The following TCP11L2 variants were observed in gnomAD, a reference collection of about 807,000 sequenced individuals.
TCP11L2 encodes the protein T-complex protein 11-like protein 2.
Under a neutral mutation model 50.7 loss-of-function variants are expected in TCP11L2, and 39 were observed. The observed-to-expected ratio is 0.77, with a 90% CI of 0.60 to 1.01. TCP11L2 has a LOEUF of 1.01. TCP11L2 is among the 50% of genes least tolerant of loss of function. The pLI is 0.00. For synonymous variants in TCP11L2, 192 were observed against 219.3 expected (o/e 0.88, Z 1.10); for missense variants, 612 against 614.7 (o/e 1.00, Z 0.05).
At chr12:106,301,365 T>C (rs1182771372), upstream of TCP11L2, among the ~76,000 whole-genome samples, 1 of 152,252 alleles carries the variant, frequency 6.6e-6, no homozygotes, top group Non-Finnish European at 1.5e-5. Flanking sequence ...GAGTGCTTAC[T>C]GTGCACCCTG....
At chr12:106,304,479 A>G (rs571686437) in intron 1 of TCP11L2, among the ~76,000 whole-genome samples, 18 of 152,370 alleles carry the variant, frequency 1.2e-4, no homozygotes, top group African/African-American at 3.6e-4. Context: ...CTGTGGATGA[A>G]TAACTTTAGT....
intron 8 of TCP11L2, among the ~76,000 whole-genome samples, chr12:106,338,829 A>G (rs1440588786): frequency 6.6e-6 from 1 of 152,118 alleles, no homozygotes; most frequent in African/African-American, 2.4e-5. Flanking sequence ...AGAATCTGTT[A>G]TTTTCTGACT....
At chr12:106,309,941 T>C (rs1443268061) in intron 1 of TCP11L2, among the ~76,000 whole-genome samples, 1 of 152,160 alleles carries the variant, frequency 6.6e-6, no homozygotes, top group Admixed American at 6.5e-5. Flanking sequence ...GGTTTAGGTT[T>C]AAAAGGATTC....
At position 106,314,535 on chromosome 12, in the gene TCP11L2, C is replaced by CTGTGTGTGTGTGTG. The variant is rs55918458; in HGVS notation, c.293+71_293+84dup. The CTGTGTGTGTGTGTG allele has an allele frequency of 7.1e-6, 5 of 707,454 alleles. No individual in the cohort carries two copies. In the East Asian group the frequency reaches 1.8e-4, roughly 26 times the overall value. 43.8% of individuals were successfully genotyped at this position (707,454 alleles called of 1,614,324 possible). Reference sequence around the variant, plus strand: ...TGTTGTATATAAACTGCTGAAGATTCTGTGTGTGTGTGTGTGTGTGTGTGT... The same window carrying CTGTGTGTGTGTGTG: ...TGTTGTATATAAACTGCTGAAGATTCTGTGTGTGTGTGTGTGTGTGTGTGTGTGTGTGTGTGTGT... On this transcript the variant is annotated intron_variant, in intron 3 of 9. Transcript: ENST00000299045.
chr12:106,340,112 G>T (rs988192352), intron 8 of TCP11L2, among the ~76,000 whole-genome samples: 3 of 152,078 alleles, frequency 2.0e-5, no homozygotes, highest in Non-Finnish European at 4.4e-5. Flanking sequence ...TTCCCATTTT[G>T]CAGAGTTATC....
chr12:106,344,847 T>A (rs1480063400), intron 9 of TCP11L2, among the ~76,000 whole-genome samples: 1 of 152,224 alleles, frequency 6.6e-6, no homozygotes, highest in Non-Finnish European at 1.5e-5. Context: ...TATGCATTTC[T>A]ATGCTTTTGT....
At chr12:106,343,039 T>TG (rs2036134264) in intron 9 of TCP11L2, among the ~76,000 whole-genome samples, 1 of 152,234 alleles carries the variant, frequency 6.6e-6, no homozygotes, top group Non-Finnish European at 1.5e-5. Flanking sequence ...TCATTCAAAG[T>TG]ACTGTTGCCC....
At chr12:106,340,057 C>G (rs968836125) in intron 8 of TCP11L2, among the ~76,000 whole-genome samples, 3 of 152,238 alleles carry the variant, frequency 2.0e-5, no homozygotes, top group African/African-American at 7.2e-5. Flanking sequence ...CCAACTCGCT[C>G]CGTTATACTG....
At chr12:106,309,871 A>C (rs904526440) in intron 1 of TCP11L2, among the ~76,000 whole-genome samples, 1 of 152,034 alleles carries the variant, frequency 6.6e-6, no homozygotes, top group African/African-American at 2.4e-5. Context: ...CATACTATAC[A>C]TAGTTGTGGT....
intron 1 of TCP11L2, among the ~76,000 whole-genome samples, chr12:106,309,962 TC>T (rs1275379513): frequency 1.3e-5 from 2 of 152,134 alleles, no homozygotes; most frequent in Middle Eastern, 3.2e-3. Flanking sequence ...AGTGAACTCT[TC>T]CTCTCATTAT....
intron 1 of TCP11L2, among the ~76,000 whole-genome samples, chr12:106,307,855 A>G (rs2034693772): frequency 6.6e-6 from 1 of 152,258 alleles, no homozygotes; most frequent in African/African-American, 2.4e-5. Flanking sequence ...AAACATTTGT[A>G]TACTGTTTAC....
chr12:106,314,381 A>G lies in TCP11L2; in HGVS notation c.181A>G (p.Thr61Ala), dbSNP rs1370791949. The change falls in exon 3 of 10, where the codon ACA becomes GCA. Residue 61 changes from threonine (T) to alanine (A), a missense_variant. Physicochemically the swap from Thr to Ala is moderately conservative, Grantham distance 58 (BLOSUM62 0). Transcript: ENST00000299045. ...AGCAACAAGCCCTCCAAGGGTTGTA[A>G]CATTTGATGAAGTGATGGCTACAGC... ...PASTSPPRVV[T>A]FDEVMATARN... The G allele has an allele frequency of 1.2e-6, 2 of 1,612,216 alleles. No homozygotes were observed. Among genetic ancestry groups the G allele is most frequent in the African/African-American group, 1.3e-5 (1 of 75,044 alleles).
chr12:106,341,294 A>G (rs2036087862), intron 9 of TCP11L2, among the ~76,000 whole-genome samples: 1 of 152,238 alleles, frequency 6.6e-6, no homozygotes, highest in Non-Finnish European at 1.5e-5. Context: ...GCAGTAATTC[A>G]AACCAGCTGG....
At chr12:106,330,443 A>G in intron 6 of TCP11L2, 1 of 320,648 alleles carries the variant, frequency 3.1e-6, no homozygotes, top group Non-Finnish European at 4.5e-6. Context: ...GCAGGGCGGG[A>G]GGCTGAGGAA....
At chr12:106,344,536 A>G (rs1433711671) in intron 9 of TCP11L2, among the ~76,000 whole-genome samples, 2 of 152,208 alleles carry the variant, frequency 1.3e-5, no homozygotes, top group Non-Finnish European at 2.9e-5. Context: ...ATGAAATGAG[A>G]TGAGATTGAA....
intron 4 of TCP11L2, among the ~76,000 whole-genome samples, chr12:106,320,988 G>T (rs1262870176): frequency 1.3e-5 from 2 of 152,032 alleles, no homozygotes; most frequent in Admixed American, 1.3e-4. Context: ...AATTTTTCTT[G>T]TATGTATAGC....
At chr12:106,309,811 A>C (rs2034778082) in intron 1 of TCP11L2, among the ~76,000 whole-genome samples, 1 of 151,900 alleles carries the variant, frequency 6.6e-6, no homozygotes, top group African/African-American at 2.4e-5. Flanking sequence ...TCAAGTAGGC[A>C]CTTGTTGAAT....
intron 9 of TCP11L2, among the ~76,000 whole-genome samples, chr12:106,343,893 G>A (rs942454194): frequency 4.0e-5 from 6 of 151,620 alleles, no homozygotes; most frequent in East Asian, 2.0e-4. Flanking sequence ...TCCTGACCTC[G>A]TGATCCGCCC....
chr12:106,315,435 T>C (rs538393249), intron 3 of TCP11L2, among the ~76,000 whole-genome samples: 4 of 152,260 alleles, frequency 2.6e-5, no homozygotes, highest in African/African-American at 9.6e-5. Context: ...CTTATAATTT[T>C]ATGTTTGATG....
Sources: allele counts gnomAD v4.1 joint callset (sites outside exome capture counted in the v4.1 genomes callset), GRCh38; gene constraint gnomAD v4.1.1; transcripts MANE v1.5; gene names NCBI Gene and HGNC (gene_info 2026-07-23, HGNC 2026-07-21).